PCDH11X: variants seen among roughly 807,000 people sequenced by gnomAD.
The protein encoded by PCDH11X is protocadherin-11 X-linked.
PCDH11X carries 18 observed loss-of-function variants against 53.3 expected under a neutral mutation model. The ratio of observed to expected loss-of-function variants is 0.34; its 90% CI spans 0.23 to 0.50. The LOEUF (loss-of-function observed/expected upper bound fraction) is 0.50. PCDH11X is among the 20% of genes least tolerant of loss of function. PCDH11X has a pLI of 0.98. For synonymous variants in PCDH11X, 279 were observed against 393.3 expected (o/e 0.71, Z 3.44); for missense variants, 570 against 1,032.4 (o/e 0.55, Z 6.14).
chrX:91,945,210 A>G (rs1020849436), intron 6 of PCDH11X, among the ~76,000 whole-genome samples: 2 of 104,005 alleles, frequency 1.9e-5, no homozygotes, highest in African/African-American at 6.9e-5. Context: ...TGAAAGCTAT[A>G]TAAAATGACT....
Position 92,181,495 on chromosome X carries a change from A to G in PCDH11X, c.3034-19880A>G, listed in dbSNP as rs1480757942. Reference sequence around the variant, plus strand: ...ATAATTAATGAGGAGCCAAATGTTAATCCCCAAGACAGTGGGGAAAATGTC... The same window carrying G: ...ATAATTAATGAGGAGCCAAATGTTAGTCCCCAAGACAGTGGGGAAAATGTC... On this transcript the variant is annotated intron_variant, in intron 6 of 10. Coordinates refer to ENST00000682573, the MANE Select transcript of PCDH11X (RefSeq NM_032968.5). Among the ~76,000 whole-genome samples the G allele has an allele frequency of 9.8e-5, 11 of 111,910 alleles. No individual in the cohort carries two copies. In the East Asian group the frequency reaches 2.8e-3, roughly 29 times the overall value.
intron 6 of PCDH11X, among the ~76,000 whole-genome samples, chrX:92,011,200 C>A (rs1478263434): frequency 1.8e-5 from 2 of 111,939 alleles, no homozygotes; most frequent in African/African-American, 6.5e-5. Context: ...ATGAATGCGT[C>A]TTTATGGCAG....
chrX:91,802,455 T>G (rs1397240749), intron 1 of PCDH11X, among the ~76,000 whole-genome samples: 1 of 111,681 alleles, frequency 9.0e-6, no homozygotes, highest in African/African-American at 3.3e-5. Flanking sequence ...TTTGCATATT[T>G]AAACATCCTA....
chrX:91,938,294 C>T (rs2061468679), intron 6 of PCDH11X, among the ~76,000 whole-genome samples: 1 of 107,798 alleles, frequency 9.3e-6, no homozygotes, highest in Admixed American at 1.0e-4. Flanking sequence ...TCTGAAACAA[C>T]TAAAAGAGAG....
At chrX:92,153,195 G>A (rs1291691447) in intron 6 of PCDH11X, among the ~76,000 whole-genome samples, 1 of 109,437 alleles carries the variant, frequency 9.1e-6, no homozygotes, top group Non-Finnish European at 1.9e-5. Context: ...TCTGACAATC[G>A]ACCTACAGGA....
At chrX:92,036,906 G>A (rs569916483) in intron 6 of PCDH11X, among the ~76,000 whole-genome samples, 219 of 111,538 alleles carry the variant, frequency 2.0e-3, no homozygotes, top group African/African-American at 6.8e-3. Flanking sequence ...GAACTTATTG[G>A]GAACTGGAGC....
intron 6 of PCDH11X, among the ~76,000 whole-genome samples, chrX:91,930,431 C>T (rs1466564493): frequency 9.9e-6 from 1 of 100,585 alleles, no homozygotes; most frequent in East Asian, 3.1e-4. Flanking sequence ...ACAGATAAAC[C>T]ATGGCAGGAA....
intron 8 of PCDH11X, among the ~76,000 whole-genome samples, chrX:92,270,687 C>G (rs2067938436): frequency 9.0e-6 from 1 of 111,365 alleles, no homozygotes; most frequent in African/African-American, 3.3e-5. Flanking sequence ...ATGTTGTAAG[C>G]AAAAGGAACA....
chrX:91,899,698 T>C (rs1176282584), intron 6 of PCDH11X, among the ~76,000 whole-genome samples: 2 of 111,319 alleles, frequency 1.8e-5, no homozygotes, highest in Non-Finnish European at 3.8e-5. Context: ...AAGTTAACGA[T>C]AGTTAAATGC....
At chrX:92,094,131 A>C (rs1297299745) in intron 6 of PCDH11X, among the ~76,000 whole-genome samples, 1 of 55,544 alleles carries the variant, frequency 1.8e-5, no homozygotes, top group African/African-American at 8.8e-5. Context: ...CAAAAAAGTA[A>C]TATGTGTGTG....
At position 91,835,454 on chromosome X, in the gene PCDH11X, T is replaced by G; in HGVS notation, c.-44-7T>G. On this transcript the variant is annotated splice_region_variant and splice_polypyrimidine_tract_variant and intron_variant, in intron 4 of 10. Transcript: ENST00000682573. The stretch of plus-strand genomic sequence containing the variant: ...TCCTCTTCTCTCTCTCCTCTTCTTT[T>G]GGTCAGTGTTGTGCGGGTTAATACA... 1 of 1,211,064 alleles carries G rather than the reference T, an allele frequency of 8.3e-7. No individual in the cohort carries two copies. Among genetic ancestry groups the G allele is most frequent in the Non-Finnish European group, 1.1e-6 (1 of 895,413 alleles).
intron 6 of PCDH11X, among the ~76,000 whole-genome samples, chrX:92,111,274 C>T (rs1365459352): frequency 9.8e-5 from 8 of 81,447 alleles, no homozygotes; most frequent in African/African-American, 3.8e-4. Context: ...ACTTTCTAAG[C>T]ATATGTTTTC....
chrX:92,309,109 G>A (rs1365688649), intron 8 of PCDH11X, among the ~76,000 whole-genome samples: 1 of 111,839 alleles, frequency 8.9e-6, no homozygotes, highest in Non-Finnish European at 1.9e-5. Context: ...AAACAGAACT[G>A]ACATATGATC....
chrX:92,603,158 G>A (rs763995452), intron 10 of PCDH11X, among the ~76,000 whole-genome samples: 1 of 104,142 alleles, frequency 9.6e-6, no homozygotes, highest in Admixed American at 1.0e-4. Context: ...ATTCAACAGT[G>A]CATTTGAACC....
chrX:92,580,857 G>A (rs1923601594), intron 10 of PCDH11X, among the ~76,000 whole-genome samples: 2 of 111,074 alleles, frequency 1.8e-5, no homozygotes, highest in African/African-American at 6.6e-5. Context: ...TCTCTTGGGT[G>A]GAGGTGGGAG....
At chrX:91,893,942 T>C (rs1440201282) in intron 6 of PCDH11X, among the ~76,000 whole-genome samples, 1 of 111,999 alleles carries the variant, frequency 8.9e-6, no homozygotes, top group Non-Finnish European at 1.9e-5. Context: ...ACCGAGTTCT[T>C]AAGTTAGCCC....
chrX:92,232,873 G>A (rs1340042344), intron 7 of PCDH11X, among the ~76,000 whole-genome samples: 2 of 111,017 alleles, frequency 1.8e-5, no homozygotes, highest in Admixed American at 9.6e-5. Flanking sequence ...CCGCCACCAC[G>A]CCCGGCTAAT....
At chrX:91,898,110 T>C (rs939448543) in intron 6 of PCDH11X, among the ~76,000 whole-genome samples, 4 of 111,276 alleles carry the variant, frequency 3.6e-5, no homozygotes, top group African/African-American at 1.3e-4. Context: ...AATGAGATAG[T>C]ATAAAAAAAT....
chrX:92,352,125 A>G (rs540161486), intron 8 of PCDH11X, among the ~76,000 whole-genome samples: 1 of 111,711 alleles, frequency 9.0e-6, no homozygotes, highest in African/African-American at 3.2e-5. Context: ...TTGAAGATGC[A>G]GTATCTTATA....
Sources: allele counts gnomAD v4.1 joint callset (sites outside exome capture counted in the v4.1 genomes callset), GRCh38; gene constraint gnomAD v4.1.1; transcripts MANE v1.5; gene names NCBI Gene and HGNC (gene_info 2026-07-23, HGNC 2026-07-21).